RBMS3: variants seen among roughly 807,000 people sequenced by gnomAD.
RBMS3 encodes the protein RNA-binding motif, single-stranded-interacting protein 3.
RBMS3 carries 27 observed loss-of-function variants against 66.8 expected under a neutral mutation model. The ratio of observed to expected loss-of-function variants is 0.40; its 90% CI spans 0.30 to 0.56. The LOEUF (loss-of-function observed/expected upper bound fraction) is 0.56, where lower values mean the gene tolerates loss of function less well. Ranked by LOEUF, RBMS3 falls within the 20% of genes least tolerant of loss-of-function variation. The pLI, the probability that RBMS3 is intolerant of heterozygous loss-of-function variation, is 0.40. For synonymous variants in RBMS3, 188 were observed against 183.0 expected (o/e 1.03, Z -0.22); for missense variants, 513 against 549.5 (o/e 0.93, Z 0.66).
At chr3:29,732,090 C>T (rs2054162760) in intron 4 of RBMS3, among the ~76,000 whole-genome samples, 1 of 152,074 alleles carries the variant, frequency 6.6e-6, no homozygotes, top group African/African-American at 2.4e-5. Flanking sequence ...CTTACCCCTC[C>T]CCTCTTTATT....
chr3:30,001,753 C>T (rs1699619905), intron 14 of RBMS3, among the ~76,000 whole-genome samples: 1 of 151,250 alleles, frequency 6.6e-6, no homozygotes, highest in Non-Finnish European at 1.5e-5. Flanking sequence ...ACATGAATTC[C>T]TGTTTTCAAG....
chr3:29,763,038 C>A, intron 6 of RBMS3, 49 bp downstream of exon 6: 1 of 1,290,180 alleles, frequency 7.8e-7, no homozygotes, highest in Non-Finnish European at 1.1e-6. Context: ...GCTTAAATTG[C>A]TCTTATTAGA....
intron 1 of RBMS3, among the ~76,000 whole-genome samples, chr3:29,294,015 C>T (rs1168244119): frequency 6.6e-6 from 1 of 151,510 alleles, no homozygotes; most frequent in African/African-American, 2.4e-5. Context: ...TGTACTCTTC[C>T]AGATCATATT....
intron 1 of RBMS3, among the ~76,000 whole-genome samples, chr3:29,352,512 A>C (rs1349767683): frequency 3.9e-5 from 6 of 152,104 alleles, no homozygotes; most frequent in African/African-American, 1.4e-4. Context: ...ATTTTGTTAC[A>C]TGCAGTAGAG....
At chr3:29,385,284 G>A (rs1043979663) in intron 1 of RBMS3, among the ~76,000 whole-genome samples, 8 of 152,098 alleles carry the variant, frequency 5.3e-5, no homozygotes, top group African/African-American at 1.7e-4. Flanking sequence ...ATTACCGCAG[G>A]ACTCCCAGGA....
At chr3:29,897,971 T>C (rs2060165957) in intron 9 of RBMS3, among the ~76,000 whole-genome samples, 1 of 151,660 alleles carries the variant, frequency 6.6e-6, no homozygotes, top group Non-Finnish European at 1.5e-5. Flanking sequence ...TAAAAAGTTG[T>C]TCGTATTCCC....
intron 6 of RBMS3, among the ~76,000 whole-genome samples, chr3:29,851,432 C>A (rs1410607676): frequency 1.3e-5 from 2 of 152,112 alleles, no homozygotes; most frequent in Non-Finnish European, 2.9e-5. Flanking sequence ...GGTTCTGACA[C>A]TTATTAGCTG....
intron 3 of RBMS3, among the ~76,000 whole-genome samples, chr3:29,513,238 G>A (rs182513287): frequency 1.3e-4 from 20 of 152,248 alleles, no homozygotes; most frequent in Admixed American, 1.3e-3. Context: ...GGACTTAAAT[G>A]TTTTGAGTTG....
intron 10 of RBMS3, among the ~76,000 whole-genome samples, chr3:29,929,981 A>G (rs2061065177): frequency 6.6e-6 from 1 of 151,944 alleles, no homozygotes; most frequent in Admixed American, 6.6e-5. Flanking sequence ...GTTTTCTTTC[A>G]TTGCACAATT....
chr3:29,468,734 T>TA (rs1352495513), intron 2 of RBMS3, among the ~76,000 whole-genome samples: 1 of 152,294 alleles, frequency 6.6e-6, no homozygotes, highest in Non-Finnish European at 1.5e-5. Context: ...TTGTTTTTTT[T>TA]ACTGATGTTT....
At chr3:29,295,326 T>C (rs1295679374) in intron 1 of RBMS3, among the ~76,000 whole-genome samples, 8 of 141,786 alleles carry the variant, frequency 5.6e-5, no homozygotes, top group African/African-American at 7.8e-5. Flanking sequence ...CATATATATA[T>C]ACACACACAT....
intron 1 of RBMS3, among the ~76,000 whole-genome samples, chr3:29,408,740 C>T (rs1350154368): frequency 6.6e-6 from 1 of 152,102 alleles, no homozygotes; most frequent in Non-Finnish European, 1.5e-5. Context: ...AATCGCTGTA[C>T]CAACTAATAT....
chr3:29,738,780 C>G (rs2054490653), intron 4 of RBMS3, among the ~76,000 whole-genome samples: 1 of 152,072 alleles, frequency 6.6e-6, no homozygotes, highest in African/African-American at 2.4e-5. Flanking sequence ...CCAGGTGAGG[C>G]TAAGGCTAAT....
Position 29,868,865 on chromosome 3 carries a change from T to G in RBMS3, c.645T>G (p.Ser215Arg). Residue 215 changes from serine (S) to arginine (R), a missense_variant, in exon 7 of 15, where the codon AGT becomes AGG. Coordinates refer to ENST00000383767, the MANE Select transcript of RBMS3 (RefSeq NM_001003793.3). The stretch of plus-strand genomic sequence containing the variant: ...GGTTTCTTATCTTCCCAGCCCCCAG[T>G]GAGCCTTTGCTGTGCAAATTCGCTG... ...LKTPPGIPAP[S>R]EPLLCKFADG... 1 of 1,596,416 alleles carries G rather than the reference T, an allele frequency of 6.3e-7. No homozygotes were observed. The highest frequency in any genetic ancestry group is 8.5e-7 in the Non-Finnish European group (1 of 1,169,958).
chr3:29,368,728 T>C (rs2038037507), intron 1 of RBMS3, among the ~76,000 whole-genome samples: 1 of 152,170 alleles, frequency 6.6e-6, no homozygotes. Flanking sequence ...TTGCTGGGAA[T>C]GTAGATTAGT....
At chr3:29,941,081 TA>T (rs1253199655) in intron 11 of RBMS3, among the ~76,000 whole-genome samples, 1 of 151,842 alleles carries the variant, frequency 6.6e-6, no homozygotes, top group African/African-American at 2.4e-5. Context: ...TTGGAAGAAA[TA>T]AAAAGTTTTT....
At chr3:29,514,650 C>CATATATATATATATATATATATATAT (rs10601940) in intron 3 of RBMS3, among the ~76,000 whole-genome samples, 60 of 103,648 alleles carry the variant, frequency 5.8e-4, no homozygotes, top group African/African-American at 9.3e-4. Context: ...GTGATAGGCA[C>CATATATATATATATATATATATATAT]ATATATATAT....
intron 5 of RBMS3, among the ~76,000 whole-genome samples, chr3:29,753,711 G>T (rs1334374158): frequency 1.3e-5 from 2 of 152,058 alleles, no homozygotes; most frequent in Non-Finnish European, 2.9e-5. Flanking sequence ...TTTATTATTA[G>T]ACTCAGTTAT....
In RBMS3 at chr3:29,898,272, C is replaced by T. The variant is rs146162523; in HGVS notation, c.888+797C>T. ...AGAAAACGCCTATATATATGCTGCA[C>T]GTAGAAAGTGTCTAGTGTCATTTCT... is the stretch of plus-strand genomic sequence containing the variant. On this transcript the variant is annotated intron_variant, in intron 9 of 14. Transcript: ENST00000383767. Among the ~76,000 whole-genome samples, 364 of 151,724 alleles carry T rather than the reference C, an allele frequency of 2.4e-3. 2 individuals carry two copies. The highest frequency in any genetic ancestry group is 8.3e-3 in the African/African-American group (343 of 41,460).
Sources: allele counts gnomAD v4.1 joint callset (sites outside exome capture counted in the v4.1 genomes callset), GRCh38; gene constraint gnomAD v4.1.1; transcripts MANE v1.5; gene names NCBI Gene and HGNC (gene_info 2026-07-23, HGNC 2026-07-21).